The following UNC5C variants were observed in gnomAD, a reference collection of about 807,000 sequenced individuals.
UNC5C encodes netrin receptor UNC5C.
In UNC5C, 47 loss-of-function variants were observed where a neutral mutation model predicts 99.8. The observed-to-expected ratio is 0.47, with a 90% confidence interval of 0.37 to 0.60. The LOEUF (loss-of-function observed/expected upper bound fraction) is 0.60, where lower values mean the gene tolerates loss of function less well. Among genes scored for constraint, UNC5C ranks in the 20% least tolerant of loss-of-function variants. UNC5C has a pLI of 0.00. For synonymous variants in UNC5C, 487 were observed against 452.2 expected (o/e 1.08, Z -0.98); for missense variants, 1,062 against 1,165.9 (o/e 0.91, Z 1.30).
intron 4 of UNC5C, among the ~76,000 whole-genome samples, chr4:95,262,289 A>G (rs1740269380): frequency 6.6e-6 from 1 of 152,186 alleles, no homozygotes; most frequent in African/African-American, 2.4e-5. Flanking sequence ...CTGAACATAA[A>G]TTTTGATGAC....
rs138934488 is a variant in UNC5C at position 95,206,679 on chromosome 4, G to A, written c.1851C>T (p.Thr617=). The change falls in exon 11 of 16, where the codon ACC becomes ACT. Residue 617 remains threonine (T), a synonymous_variant. Coordinates refer to ENST00000453304, the MANE Select transcript of UNC5C (RefSeq NM_003728.4). ...TCTTGAGCAGTATTTTCCAGTCCTCGGTATTGGGGTCTGCGCAGTGATGCA... is the reference window on the plus strand; with the variant it reads ...TCTTGAGCAGTATTTTCCAGTCCTCAGTATTGGGGTCTGCGCAGTGATGCA... ...LTMHHCADPN[T]EDWKILLKNQ... 142 of 1,613,970 alleles carry A rather than the reference G, an allele frequency of 8.8e-5. No homozygotes were observed. The highest frequency in any genetic ancestry group is 3.6e-4 in the African/African-American group (27 of 74,892).
chr4:95,287,757 T>A (rs562562793), intron 3 of UNC5C, among the ~76,000 whole-genome samples: 1 of 152,364 alleles, frequency 6.6e-6, no homozygotes, highest in Non-Finnish European at 1.5e-5. Context: ...TGATATGCAA[T>A]GTGCCTGCAC....
At chr4:95,187,334 A>G (rs1328187194) in intron 12 of UNC5C, among the ~76,000 whole-genome samples, 3 of 152,192 alleles carry the variant, frequency 2.0e-5, no homozygotes, top group African/African-American at 7.2e-5. Flanking sequence ...AATCGATAGT[A>G]ATTATCTGAT....
At chr4:95,488,259 T>C (rs550768219) in intron 1 of UNC5C, among the ~76,000 whole-genome samples, 2 of 151,890 alleles carry the variant, frequency 1.3e-5, no homozygotes, top group Admixed American at 1.3e-4. Flanking sequence ...GAAAGTGCTA[T>C]GTACACAATA....
chr4:95,183,402 A>T (rs1340692867), intron 13 of UNC5C, among the ~76,000 whole-genome samples: 1 of 152,066 alleles, frequency 6.6e-6, no homozygotes, highest in Non-Finnish European at 1.5e-5. Flanking sequence ...AAAAGAGTTT[A>T]TACAATTCCC....
chr4:95,294,470 C>T (rs889838498), intron 3 of UNC5C, among the ~76,000 whole-genome samples: 9 of 152,118 alleles, frequency 5.9e-5, no homozygotes, highest in Non-Finnish European at 1.2e-4. Flanking sequence ...TTTGCACACA[C>T]GATCGAGAGG....
At chr4:95,543,720 T>A (rs1436986112) in intron 1 of UNC5C, among the ~76,000 whole-genome samples, 1 of 152,234 alleles carries the variant, frequency 6.6e-6, no homozygotes, top group Non-Finnish European at 1.5e-5. Flanking sequence ...AAAGTTATCT[T>A]TCAGTATCCC....
At chr4:95,177,874 C>CTTTTT (rs34351357) in intron 14 of UNC5C, among the ~76,000 whole-genome samples, 2 of 146,766 alleles carry the variant, frequency 1.4e-5, no homozygotes, top group Non-Finnish European at 3.0e-5. Flanking sequence ...GCTAATTTGC[C>CTTTTT]TTTTTTTTTT....
intron 1 of UNC5C, among the ~76,000 whole-genome samples, chr4:95,493,931 G>A (rs1045739903): frequency 1.3e-5 from 2 of 151,268 alleles, no homozygotes; most frequent in Non-Finnish European, 1.5e-5. Flanking sequence ...CAATTACAAC[G>A]CCATTTTTTC....
intron 3 of UNC5C, among the ~76,000 whole-genome samples, chr4:95,296,924 C>T (rs140288610): frequency 2.2e-4 from 34 of 152,198 alleles, no homozygotes; most frequent in Non-Finnish European, 4.6e-4. Flanking sequence ...GATCCCCTTT[C>T]AGGCCTGGTC....
chr4:95,271,600 TC>T (rs1054940892), intron 4 of UNC5C, among the ~76,000 whole-genome samples: 1 of 152,230 alleles, frequency 6.6e-6, no homozygotes, highest in Non-Finnish European at 1.5e-5. Context: ...CTGCTGAACT[TC>T]CACATGGAAC....
chr4:95,481,591 T>G (rs905968714), intron 1 of UNC5C, among the ~76,000 whole-genome samples: 2 of 151,946 alleles, frequency 1.3e-5, no homozygotes, highest in African/African-American at 2.4e-5. Flanking sequence ...GAGGCATCAC[T>G]CTACCTGACT....
Position 95,163,292 on chromosome 4 carries a change from G to C in UNC5C, c.*5942C>G, listed in dbSNP as rs952130752. On this transcript the variant is annotated 3_prime_UTR_variant, in exon 16 of 16. Coordinates refer to ENST00000453304, the MANE Select transcript of UNC5C (RefSeq NM_003728.4). ...TACTTTCGGGATAGAAAAGGCAAAG[G>C]TATTTTACACCAGCTGTAGATTTCT... is the stretch of plus-strand genomic sequence containing the variant. The C allele has an allele frequency of 2.0e-5, 3 of 152,168 alleles. No individual in the cohort carries two copies. The highest frequency in any genetic ancestry group is 4.4e-5 in the Non-Finnish European group (3 of 68,040). The allele number at this position is 152,168 out of a possible 1,614,324, so 9.4% of individuals were successfully genotyped here. A position where few individuals can be genotyped will look rare whatever the true frequency, so the allele number is the denominator to read the frequency against.
At chr4:95,426,587 T>C (rs1746493350) in intron 1 of UNC5C, among the ~76,000 whole-genome samples, 1 of 152,168 alleles carries the variant, frequency 6.6e-6, no homozygotes, top group Admixed American at 6.5e-5. Flanking sequence ...AACTGAGTTG[T>C]GAATGCAAAA....
At chr4:95,382,226 A>AT (rs1311266361) in intron 1 of UNC5C, among the ~76,000 whole-genome samples, 7 of 152,138 alleles carry the variant, frequency 4.6e-5, no homozygotes, top group African/African-American at 1.4e-4. Context: ...TAATCCCAAC[A>AT]TTTTGGGAGG....
intron 1 of UNC5C, among the ~76,000 whole-genome samples, chr4:95,370,058 G>A (rs1038566539): frequency 6.6e-6 from 1 of 152,140 alleles, no homozygotes; most frequent in Non-Finnish European, 1.5e-5. Flanking sequence ...AATGAGAAAG[G>A]CTTGGTCTAG....
At chr4:95,193,456 G>T (rs1257460533) in intron 12 of UNC5C, among the ~76,000 whole-genome samples, 2 of 152,166 alleles carry the variant, frequency 1.3e-5, no homozygotes, top group South Asian at 4.1e-4. Flanking sequence ...CAGACACAAA[G>T]AACAGACCAG....
At chr4:95,174,937 T>G (rs2149345696) in intron 14 of UNC5C, among the ~76,000 whole-genome samples, 1 of 150,492 alleles carries the variant, frequency 6.6e-6, no homozygotes, top group Non-Finnish European at 1.5e-5. Context: ...CTGTATTGGG[T>G]GCATATATAT....
intron 1 of UNC5C, among the ~76,000 whole-genome samples, chr4:95,443,504 A>G (rs2149464375): frequency 6.6e-6 from 1 of 152,334 alleles, no homozygotes; most frequent in East Asian, 1.9e-4. Flanking sequence ...TATTATATGA[A>G]CAATCAAAGC....
Sources: gnomAD v4.1 joint callset for allele counts (sites outside exome capture counted in the v4.1 genomes callset) on GRCh38, gnomAD v4.1.1 for gene constraint, MANE v1.5 for transcripts, NCBI Gene and HGNC (gene_info 2026-07-23, HGNC 2026-07-21) for gene names.